The following CASP10 variants were observed in gnomAD, a reference collection of about 807,000 sequenced individuals.
The protein encoded by CASP10 is caspase-10.
In CASP10, 41 loss-of-function variants were observed where a neutral mutation model predicts 48.5. The ratio of observed to expected loss-of-function variants is 0.85; its 90% CI spans 0.66 to 1.10. CASP10 has a LOEUF of 1.10. Ranked by LOEUF, CASP10 falls within the 50% of genes least tolerant of loss-of-function variation. The probability of loss-of-function intolerance (pLI) is 0.00; values close to 1 mark genes in which losing one functional copy is unlikely to be tolerated. For missense variants in CASP10, 614 were observed against 614.5 expected (o/e 1.00, Z 0.01); for synonymous variants, 232 against 238.4 (o/e 0.97, Z 0.25).
In CASP10 at chr2:201,185,984, T is replaced by A; in HGVS notation, c.207T>A (p.Asp69Glu). ...TTTTTGAACATCTCTTGGCAGAGGA[T>A]CTGCTGAGTGAGGAAGACCCTTTCT... ...SDVFEHLLAE[D>E]LLSEEDPFFL... is the part of the protein sequence containing the mutation. Residue 69 changes from aspartate (D) to glutamate (E), a missense_variant, in exon 2 of 10, where the codon GAT becomes GAA. By Grantham distance (45) the Asp-to-Glu change is conservative (BLOSUM62 2). Coordinates refer to ENST00000286186, the MANE Select transcript of CASP10 (RefSeq NM_032977.4). 1 of 1,613,920 alleles carries A rather than the reference T, an allele frequency of 6.2e-7. No individual in the cohort carries two copies. Among genetic ancestry groups the A allele is most frequent in the South Asian group, 1.1e-5 (1 of 91,060 alleles).
intron 9 of CASP10, among the ~76,000 whole-genome samples, chr2:201,215,845 T>C (rs1431590141): frequency 6.6e-6 from 1 of 152,076 alleles, no homozygotes; most frequent in Non-Finnish European, 1.5e-5. Flanking sequence ...TGGGGTCTTG[T>C]TATGTTGTCC....
At chr2:201,208,763 C>G (rs1049000196) in intron 8 of CASP10, among the ~76,000 whole-genome samples, 1 of 152,130 alleles carries the variant, frequency 6.6e-6, no homozygotes, top group East Asian at 1.9e-4. Context: ...ACTGCAACCT[C>G]TGCCTCCCAG....
downstream of CASP10, among the ~76,000 whole-genome samples, chr2:201,224,314 C>A (rs757642520): frequency 6.6e-6 from 1 of 151,970 alleles, no homozygotes; most frequent in African/African-American, 2.4e-5. Context: ...AAAATGAAAT[C>A]CCTTTTAAAA....
chr2:201,208,045 C>T, intron 7 of CASP10, 30 bp from the exon 8 acceptor site: 2 of 1,512,558 alleles, frequency 1.3e-6, no homozygotes, highest in Non-Finnish European at 1.8e-6. Flanking sequence ...GATAAGGATT[C>T]CTACTAAGTG....
chr2:201,185,787 C>G lies in CASP10; in HGVS notation c.10C>G (p.Gln4Glu), dbSNP rs1260219605. Residue 4 changes from glutamine to glutamate, a missense_variant, in exon 2 of 10, where the codon CAA becomes GAA. Physicochemically the swap from Gln to Glu is conservative, Grantham distance 29. Transcript: ENST00000286186. ...CCCTTTCAGGCTGGCCATGAAATCT[C>G]AAGGTCAACATTGGTATTCCAGTTC... MKSQGQHWYSSSDK... is the reference protein window; with the variant it reads MKSEGQHWYSSSDK... 3 of 1,613,066 alleles carry G rather than the reference C, an allele frequency of 1.9e-6. No individual in the cohort carries two copies. The highest frequency in any genetic ancestry group is 1.3e-5 in the African/African-American group (1 of 74,882).
Position 201,195,895 on chromosome 2 carries a change from G to C in CASP10, c.631G>C (p.Glu211Gln). The change falls in exon 5 of 10, where the codon GAG (glutamate) becomes CAG (glutamine). Residue 211 changes from glutamate (E) to glutamine (Q), a missense_variant. Physicochemically the swap from Glu to Gln is conservative, Grantham distance 29. Transcript: ENST00000286186. ...VDKEAESYQGEEELVSQTDVK... is the reference protein window; with the variant it reads ...VDKEAESYQGQEELVSQTDVK... ...CAAGGAAGCCGAGTCGTATCAAGGA[G>C]AGGAAGAACTAGTTTCCCAAACAGA... The C allele has an allele frequency of 6.2e-7, 1 of 1,614,068 alleles. No homozygotes were observed. Among genetic ancestry groups the C allele is most frequent in the Non-Finnish European group, 8.5e-7 (1 of 1,179,968 alleles).
Position 201,218,874 on chromosome 2 carries a change from T to C in CASP10, c.*1133T>C. ...CTTTTGTGTAAGGAAGGTGCTCACA[T>C]AGGAAGTTTTTATTTGGTTAGAGAC... On this transcript the variant is annotated 3_prime_UTR_variant, in exon 10 of 10. Transcript: ENST00000286186. The C allele has an allele frequency of 1.0e-6, 1 of 985,436 alleles. No homozygotes were observed. Among genetic ancestry groups the C allele is most frequent in the Non-Finnish European group, 1.2e-6 (1 of 829,942 alleles). The allele number at this position is 985,436 out of a possible 1,614,324, so 61.0% of individuals were successfully genotyped here. A position where few individuals can be genotyped will look rare whatever the true frequency, so the allele number is the denominator to read the frequency against.
intron 2 of CASP10, chr2:201,186,460 T>G: frequency 2.9e-6 from 1 of 348,878 alleles, no homozygotes; most frequent in Non-Finnish European, 5.5e-6. Flanking sequence ...TGGGATCCAC[T>G]AGTCTGTCTA....
rs1465733324 is a variant in CASP10, at chr2:201,193,058, C to G, written c.516C>G (p.Asp172Glu). The change falls in exon 4 of 10, where the codon GAC becomes GAG. Residue 172 changes from aspartate to glutamate, a missense_variant. Coordinates refer to ENST00000286186, the MANE Select transcript of CASP10 (RefSeq NM_032977.4). Reference sequence around the variant, plus strand: ...AAGATAATCTGACATGCCTGGAGGACCTCTGCAAAACAGTTGTACCTAAAC... The same window carrying G: ...AAGATAATCTGACATGCCTGGAGGAGCTCTGCAAAACAGTTGTACCTAAAC... ...IDEDNLTCLE[D>E]LCKTVVPKLL... The G allele has an allele frequency of 7.4e-6, 12 of 1,613,522 alleles. No homozygotes were observed. Among genetic ancestry groups the G allele is most frequent in the East Asian group, 4.5e-5 (2 of 44,878 alleles).
Position 201,218,177 on chromosome 2 carries a change from C to T in CASP10, c.*436C>T. The T allele has an allele frequency of 9.7e-7, 1 of 1,032,742 alleles. No homozygotes were observed. The highest frequency in any genetic ancestry group is 1.2e-6 in the Non-Finnish European group (1 of 854,922). The allele number at this position is 1,032,742 out of a possible 1,614,324, so 64.0% of individuals were successfully genotyped here. ...GCCCAAGTGATCCTCCCACCTCTGT[C>T]CCCAAAATACTGGGATTATAGGCAC... On this transcript the variant is annotated 3_prime_UTR_variant, in exon 10 of 10. Transcript: ENST00000286186.
chr2:201,226,916 G>T (rs929381359), intron 9 of CASP10, among the ~76,000 whole-genome samples: 1 of 151,962 alleles, frequency 6.6e-6, no homozygotes, highest in Non-Finnish European at 1.5e-5. Context: ...ACATAATGCT[G>T]AGCAAATAAT....
chr2:201,222,253 C>T (rs181931732), downstream of CASP10, among the ~76,000 whole-genome samples: 468 of 143,748 alleles, frequency 3.3e-3, 2 homozygotes, highest in African/African-American at 0.011. Flanking sequence ...GTCTCGCTCT[C>T]TCACCCAGGC....
intron 5 of CASP10, among the ~76,000 whole-genome samples, chr2:201,199,323 A>G (rs975792668): frequency 7.9e-5 from 12 of 152,080 alleles, no homozygotes; most frequent in Non-Finnish European, 1.5e-4. Context: ...TTTTTAAACC[A>G]TCTAGTACAA....
At chr2:201,212,275 C>T (rs943829494) in intron 9 of CASP10, 1 of 152,106 alleles carries the variant, frequency 6.6e-6, no homozygotes, top group Non-Finnish European at 1.5e-5. Context: ...TTTGCATTTC[C>T]GTGATGATTA....
chr2:201,215,448 G>C (rs1945541658), intron 9 of CASP10, among the ~76,000 whole-genome samples: 1 of 151,802 alleles, frequency 6.6e-6, no homozygotes, highest in Admixed American at 6.6e-5. Flanking sequence ...AGAGGTAAGT[G>C]GTTAGTCTCA....
chr2:201,183,337 A>G (rs1944295343), intron 1 of CASP10, 29 bp downstream of exon 1: 1 of 152,222 alleles, frequency 6.6e-6, no homozygotes, highest in African/African-American at 2.4e-5. Context: ...TTCTTACTCC[A>G]GAGTCTCATG....
At chr2:201,209,013 A>G (rs185655850) in intron 8 of CASP10, 57 bp from the exon 9 acceptor site, 80 of 1,544,328 alleles carry the variant, frequency 5.2e-5, no homozygotes, top group Non-Finnish European at 3.9e-5. Flanking sequence ...GCATCATTTT[A>G]TTATTTCCCC....
intron 5 of CASP10, 26 bp downstream of exon 5, chr2:201,195,974 T>C: frequency 1.3e-6 from 2 of 1,511,744 alleles, no homozygotes; most frequent in Non-Finnish European, 1.8e-6. Flanking sequence ...TGCTGGTCAA[T>C]GCTTAACAAC....
At chr2:201,198,262 C>T (rs1405689494) in intron 5 of CASP10, among the ~76,000 whole-genome samples, 3 of 144,088 alleles carry the variant, frequency 2.1e-5, no homozygotes, top group Admixed American at 7.1e-5. Context: ...CTCACTCTGT[C>T]GCCCAGGCTG....
Sources: allele counts gnomAD v4.1 joint callset (sites outside exome capture counted in the v4.1 genomes callset), GRCh38; gene constraint gnomAD v4.1.1; transcripts MANE v1.5; gene names NCBI Gene and HGNC (gene_info 2026-07-23, HGNC 2026-07-21).